Variants in HSD17B11 observed in about 807,000 individuals in gnomAD.
The protein encoded by HSD17B11 is hydroxysteroid 17-beta dehydrogenase 11.
Under a neutral mutation model 27.8 loss-of-function variants are expected in HSD17B11, and 22 were observed. The observed-to-expected ratio is 0.79, with a 90% CI of 0.56 to 1.13. HSD17B11 has a LOEUF of 1.13. Among genes scored for constraint, HSD17B11 ranks in the 50% most tolerant of loss-of-function variants. HSD17B11 has a pLI of 0.00. For missense variants in HSD17B11, 314 were observed against 351.1 expected, an observed-to-expected ratio of 0.89 and a Z score of 0.84; for synonymous variants, 117 against 132.8, an observed-to-expected ratio of 0.88 and a Z score of 0.82.
chr4:87,354,654 AAAAAAT>A (rs1192238282), intron 5 of HSD17B11, among the ~76,000 whole-genome samples: 5 of 151,680 alleles, frequency 3.3e-5, no homozygotes, highest in Non-Finnish European at 5.9e-5. Context: ...AAAAAAATAA[AAAAAAT>A]AAAAAAAGGA....
intron 4 of HSD17B11, among the ~76,000 whole-genome samples, chr4:87,363,709 A>T (rs1735561602): frequency 6.6e-6 from 1 of 152,244 alleles, no homozygotes; most frequent in South Asian, 2.1e-4. Flanking sequence ...AAAATTAACT[A>T]ATCTAGACTA....
intron 2 of HSD17B11, among the ~76,000 whole-genome samples, chr4:87,378,960 A>ATATT (rs1720051475): frequency 3.9e-5 from 1 of 25,608 alleles, no homozygotes; most frequent in Non-Finnish European, 6.5e-5. Flanking sequence ...ATATATATAT[A>ATATT]TTTTTTTTTT....
intron 6 of HSD17B11, 67 bp from the exon 7 acceptor site, chr4:87,337,433 T>A (rs143569767): frequency 1.1e-6 from 1 of 889,500 alleles, no homozygotes; most frequent in East Asian, 2.5e-5. Context: ...ATACCCTCTT[T>A]AGAAATACTT....
intron 2 of HSD17B11, among the ~76,000 whole-genome samples, chr4:87,380,602 T>C (rs1360605902): frequency 6.6e-6 from 1 of 151,240 alleles, no homozygotes; most frequent in Non-Finnish European, 1.5e-5. Flanking sequence ...CTCACGCCTG[T>C]AATCCCAGCA....
Position 87,357,418 on chromosome 4 carries a change from T to C in HSD17B11, c.558-2A>G, listed in dbSNP as rs1475668111. On this transcript the variant is annotated splice_acceptor_variant, in intron 4 of 6. Transcript: ENST00000358290. LOFTEE classifies it high-confidence loss of function. ...CCAACAGCAGCAAACTTGCTTGAAC[T>C]GAAAATAGAGAGTTTACAAAATAAT... 11 of 1,610,446 alleles carry C rather than the reference T, an allele frequency of 6.8e-6. No homozygotes were observed. The African/African-American group carries it at 1.5e-4, about 22-fold the overall frequency.
chr4:87,357,028 CAGG>C (rs1195797816), intron 5 of HSD17B11, among the ~76,000 whole-genome samples: 4 of 152,200 alleles, frequency 2.6e-5, no homozygotes, highest in African/African-American at 9.6e-5. Context: ...AATCATTACT[CAGG>C]AGAAGAAAAA....
At position 87,383,971 on chromosome 4, in the gene HSD17B11, G is replaced by A. The variant is rs115669118; in HGVS notation, c.211-1609C>T. On this transcript the variant is annotated intron_variant, in intron 1 of 6. Transcript: ENST00000358290. ...GAGGACTCATACATTTATCCACAGAGAGGATGGTGAATCAGTGTACACATT... is the reference window on the plus strand; with the variant it reads ...GAGGACTCATACATTTATCCACAGAAAGGATGGTGAATCAGTGTACACATT... 4.5e-3 allele frequency among the ~76,000 whole-genome samples: 687 copies of A among 152,220 alleles called. 3 individuals are homozygous for A. Among genetic ancestry groups the A allele is most frequent in the African/African-American group, 0.016 (666 of 41,522 alleles).
In HSD17B11 at chr4:87,391,046, G is replaced by T. The variant is rs561290623; in HGVS notation, c.25C>A (p.Leu9Met). 6 of 1,613,828 alleles carry T rather than the reference G, an allele frequency of 3.7e-6. No individual in the cohort carries two copies. In the African/African-American group the frequency reaches 8.0e-5, roughly 22 times the overall value. Reference protein sequence around the residue: MKFLLDILLLLPLLIVCSL... With the variant: MKFLLDILMLLPLLIVCSL... ...CAGACGATCAGTAACGGGAGAAGCA[G>T]GAGGATGTCCAGAAGAAATTTCATC... Residue 9 changes from leucine (L) to methionine (M), a missense_variant, in exon 1 of 7, where the codon CTG (leucine) becomes ATG (methionine). Transcript: ENST00000358290.
At chr4:87,382,521 C>T (rs914512035) in intron 1 of HSD17B11, among the ~76,000 whole-genome samples, 159 bp from the exon 2 acceptor site, 4 of 152,172 alleles carry the variant, frequency 2.6e-5, no homozygotes, top group South Asian at 4.1e-4. Context: ...TATATAGGCA[C>T]ATTTTGCTTT....
At chr4:87,386,829 A>T (rs576897700) in intron 1 of HSD17B11, 3 of 152,206 alleles carry the variant, frequency 2.0e-5, no homozygotes, top group South Asian at 4.1e-4. Context: ...GTCTTTGAGC[A>T]TATATTATAT....
intron 6 of HSD17B11, 118 bp downstream of exon 6, chr4:87,340,372 T>C (rs1735142476): frequency 1.7e-6 from 1 of 594,960 alleles, no homozygotes; most frequent in Admixed American, 3.0e-5. Flanking sequence ...GTTATTTTTA[T>C]TAAGTCAATT....
chr4:87,390,889 C>T lies in HSD17B11; in HGVS notation c.182G>A (p.Ser61Asn). 6.2e-7 allele frequency: 1 copy of T among 1,614,116 alleles called. No homozygotes were observed. The highest frequency in any genetic ancestry group is 8.5e-7 in the Non-Finnish European group (1 of 1,180,004). The change falls in exon 1 of 7, where the codon AGC becomes AAC. Residue 61 changes from serine to asparagine, a missense_variant. Coordinates refer to ENST00000358290, the MANE Select transcript of HSD17B11 (RefSeq NM_016245.5). ...LTAYEFAKLK[S>N]KLVLWDINKH... is the part of the protein sequence containing the mutation. The stretch of plus-strand genomic sequence containing the variant: ...ATTTATATCCCAGAGAACCAGCTTG[C>T]TTTTAAGTTTAGCAAATTCATAGGC...
At chr4:87,363,789 G>A (rs1735567153) in intron 4 of HSD17B11, among the ~76,000 whole-genome samples, 1 of 152,190 alleles carries the variant, frequency 6.6e-6, no homozygotes, top group South Asian at 2.1e-4. Context: ...CTTTCACAGT[G>A]GCAGTCTAGG....
chr4:87,371,263 T>G (rs76881776), intron 4 of HSD17B11, among the ~76,000 whole-genome samples: 2,660 of 152,292 alleles, frequency 0.017, 75 homozygotes, highest in African/African-American at 0.06. Flanking sequence ...GGTCACATGA[T>G]ACAACACTAT....
chr4:87,381,567 G>A (rs1361537398), intron 2 of HSD17B11, among the ~76,000 whole-genome samples: 1 of 151,944 alleles, frequency 6.6e-6, no homozygotes, highest in African/African-American at 2.4e-5. Flanking sequence ...AGATCAGCCT[G>A]GGCAACATGG....
chr4:87,355,086 G>A (rs1207227608), intron 5 of HSD17B11, among the ~76,000 whole-genome samples: 1 of 151,944 alleles, frequency 6.6e-6, no homozygotes, highest in East Asian at 1.9e-4. Context: ...CTGCACTTCA[G>A]CCTAAATGAG....
chr4:87,382,401 A>G, intron 1 of HSD17B11, 39 bp from the exon 2 acceptor site: 1 of 1,205,298 alleles, frequency 8.3e-7, no homozygotes, highest in Non-Finnish European at 1.2e-6. Context: ...AATAATTGAT[A>G]TGAACATATT....
intron 6 of HSD17B11, among the ~76,000 whole-genome samples, chr4:87,339,267 C>A (rs1735119092): frequency 6.6e-6 from 1 of 152,322 alleles, no homozygotes; most frequent in Non-Finnish European, 1.5e-5. Flanking sequence ...GATCCCTGAG[C>A]TTTACTATCT....
chr4:87,353,729 G>T (rs1735328316), intron 5 of HSD17B11, among the ~76,000 whole-genome samples: 1 of 143,286 alleles, frequency 7.0e-6, no homozygotes, highest in African/African-American at 2.4e-5. Context: ...GTGCGGCCTT[G>T]TAGGGGGGGC....
Sources: gnomAD v4.1 joint callset for allele counts (sites outside exome capture counted in the v4.1 genomes callset) on GRCh38, gnomAD v4.1.1 for gene constraint, MANE v1.5 for transcripts, NCBI Gene and HGNC (gene_info 2026-07-23, HGNC 2026-07-21) for gene names.